The following HS6ST3 variants were observed in gnomAD, a reference collection of about 807,000 sequenced individuals.
The protein encoded by HS6ST3 is heparan-sulfate 6-O-sulfotransferase 3.
HS6ST3 carries 12 observed loss-of-function variants against 36.7 expected under a neutral mutation model. That is an observed-to-expected ratio of 0.33 (90% confidence interval 0.21 to 0.53). HS6ST3 has a LOEUF of 0.53. Among genes scored for constraint, HS6ST3 ranks in the 20% least tolerant of loss-of-function variants. The pLI, the probability that HS6ST3 is intolerant of heterozygous loss-of-function variation, is 0.95. For synonymous variants in HS6ST3, 240 were observed against 257.5 expected, an observed-to-expected ratio of 0.93 and a Z score of 0.65; for missense variants, 584 against 640.9, an observed-to-expected ratio of 0.91 and a Z score of 0.96.
chr13:96,542,865 G>T (rs1183357277), intron 1 of HS6ST3, among the ~76,000 whole-genome samples: 1 of 152,084 alleles, frequency 6.6e-6, no homozygotes, highest in Admixed American at 6.5e-5. Context: ...ACCTATCTTT[G>T]TAGCCAAATG....
intron 1 of HS6ST3, among the ~76,000 whole-genome samples, chr13:96,211,236 T>C (rs945566426): frequency 6.6e-6 from 1 of 152,196 alleles, no homozygotes; most frequent in Admixed American, 6.5e-5. Flanking sequence ...CAGCATCATT[T>C]CTATGGTTAT....
intron 1 of HS6ST3, among the ~76,000 whole-genome samples, chr13:96,119,999 G>C (rs1211925810): frequency 6.6e-6 from 1 of 152,142 alleles, no homozygotes; most frequent in Non-Finnish European, 1.5e-5. Flanking sequence ...ACCTTATTTG[G>C]AAATAAGATG....
intron 1 of HS6ST3, among the ~76,000 whole-genome samples, chr13:96,625,313 G>T (rs2056508409): frequency 6.6e-6 from 1 of 152,116 alleles, no homozygotes. Flanking sequence ...TTTCCCATCT[G>T]GTTCGGGAAA....
chr13:96,232,018 C>T (rs2054510908), intron 1 of HS6ST3, among the ~76,000 whole-genome samples: 1 of 152,108 alleles, frequency 6.6e-6, no homozygotes, highest in Admixed American at 6.5e-5. Flanking sequence ...ACACATAGCC[C>T]ATTGTTCTGA....
intron 1 of HS6ST3, among the ~76,000 whole-genome samples, chr13:96,455,321 G>A (rs1013879834): frequency 1.3e-5 from 2 of 152,088 alleles, no homozygotes; most frequent in African/African-American, 4.8e-5. Context: ...CTGGGCTCAA[G>A]CCATCCTCCC....
chr13:96,449,044 C>T (rs2139484578), intron 1 of HS6ST3, among the ~76,000 whole-genome samples: 1 of 152,202 alleles, frequency 6.6e-6, no homozygotes, highest in African/African-American at 2.4e-5. Context: ...TCACTGCTGC[C>T]TCGACTTCCT....
chr13:96,796,771 C>T (rs1351293815), intron 1 of HS6ST3, among the ~76,000 whole-genome samples: 1 of 152,008 alleles, frequency 6.6e-6, no homozygotes, highest in Admixed American at 6.6e-5. Flanking sequence ...AGGAAGCTGG[C>T]TACTACTGTT....
chr13:96,814,244 T>C (rs1878376208), intron 1 of HS6ST3, among the ~76,000 whole-genome samples: 1 of 152,140 alleles, frequency 6.6e-6, no homozygotes. Context: ...AGAAAGCAAA[T>C]ACTCTGATTG....
chr13:96,297,390 G>T (rs1555296335), intron 1 of HS6ST3, among the ~76,000 whole-genome samples: 1 of 152,048 alleles, frequency 6.6e-6, no homozygotes, highest in Non-Finnish European at 1.5e-5. Context: ...CTCAGGGAAA[G>T]AAATATTGCT....
At chr13:96,680,881 C>G (rs976665390) in intron 1 of HS6ST3, among the ~76,000 whole-genome samples, 1 of 152,186 alleles carries the variant, frequency 6.6e-6, no homozygotes, top group African/African-American at 2.4e-5. Flanking sequence ...TGAGAAAGAG[C>G]ATGAAGGCTT....
intron 1 of HS6ST3, among the ~76,000 whole-genome samples, chr13:96,659,515 A>C (rs896500361): frequency 1.2e-4 from 19 of 152,068 alleles, no homozygotes. Context: ...TAAATTTAAA[A>C]TGTATAACTT....
chr13:96,127,571 AC>A (rs1364165572), intron 1 of HS6ST3, among the ~76,000 whole-genome samples: 2 of 151,560 alleles, frequency 1.3e-5, no homozygotes, highest in Non-Finnish European at 2.9e-5. Context: ...TGGGGTTGGG[AC>A]CCCTGCTCTA....
chr13:96,784,983 CAG>C (rs1159353107), intron 1 of HS6ST3, among the ~76,000 whole-genome samples: 1 of 152,112 alleles, frequency 6.6e-6, no homozygotes, highest in Non-Finnish European at 1.5e-5. Context: ...GCCTGGCCAA[CAG>C]GGTGAAAACC....
chr13:96,557,299 G>T (rs9584383), intron 1 of HS6ST3, among the ~76,000 whole-genome samples: 4 of 152,078 alleles, frequency 2.6e-5, no homozygotes, highest in African/African-American at 9.7e-5. Flanking sequence ...GCACAACCAG[G>T]TCTGAACTGC....
chr13:96,156,919 A>G (rs2054113383), intron 1 of HS6ST3, among the ~76,000 whole-genome samples: 1 of 152,156 alleles, frequency 6.6e-6, no homozygotes, highest in Non-Finnish European at 1.5e-5. Flanking sequence ...CAGGAACCAT[A>G]TGTCAGTGAG....
intron 1 of HS6ST3, among the ~76,000 whole-genome samples, chr13:96,713,183 A>G (rs1016100153): frequency 2.0e-5 from 3 of 152,220 alleles, no homozygotes; most frequent in Non-Finnish European, 4.4e-5. Context: ...ATTTATAGCC[A>G]TAAGTTTGTA....
chr13:96,766,424 T>G (rs1055604417), intron 1 of HS6ST3, among the ~76,000 whole-genome samples: 1 of 152,150 alleles, frequency 6.6e-6, no homozygotes, highest in Non-Finnish European at 1.5e-5. Flanking sequence ...GTGTCTATTT[T>G]CCCCCTATTT....
At chr13:96,264,992 T>C (rs911191300) in intron 1 of HS6ST3, among the ~76,000 whole-genome samples, 1 of 152,128 alleles carries the variant, frequency 6.6e-6, no homozygotes, top group African/African-American at 2.4e-5. Context: ...TATATAAATA[T>C]AGAATGACAT....
chr13:96,579,345 G>A (rs2056333482), intron 1 of HS6ST3, among the ~76,000 whole-genome samples: 1 of 152,062 alleles, frequency 6.6e-6, no homozygotes, highest in Non-Finnish European at 1.5e-5. Flanking sequence ...ATGACCTTCA[G>A]TGCAAAGACT....
Sources: gnomAD v4.1 joint callset for allele counts (sites outside exome capture counted in the v4.1 genomes callset) on GRCh38, gnomAD v4.1.1 for gene constraint, MANE v1.5 for transcripts, NCBI Gene and HGNC (gene_info 2026-07-23, HGNC 2026-07-21) for gene names.